PRR5: variants seen among roughly 807,000 people sequenced by gnomAD.
PRR5 encodes the protein proline rich 5, also known as proline-rich protein 5.
Under a neutral mutation model 30.6 loss-of-function variants are expected in PRR5, and 25 were observed. The ratio of observed to expected loss-of-function variants is 0.82; its 90% confidence interval spans 0.60 to 1.14. PRR5 has a LOEUF of 1.14. PRR5 is among the 50% of genes most tolerant of loss of function. The probability of loss-of-function intolerance (pLI) is 0.00; values close to 1 mark genes in which losing one functional copy is unlikely to be tolerated. For synonymous variants in PRR5, 286 were observed against 247.1 expected (o/e 1.16, Z -1.48); for missense variants, 600 against 547.1 (o/e 1.10, Z -0.96).
chr22:44,727,815 T>C (rs948716094), intron 4 of PRR5, among the ~76,000 whole-genome samples: 7 of 152,076 alleles, frequency 4.6e-5, no homozygotes, highest in African/African-American at 1.7e-4. Flanking sequence ...ACTGAACATG[T>C]TGGGTGGGGC....
chr22:44,725,658 T>TG, intron 3 of PRR5, among the ~76,000 whole-genome samples: 1 of 149,464 alleles, frequency 6.7e-6, no homozygotes, highest in East Asian at 2.1e-4. Context: ...TTGTCTTTTG[T>TG]TTTGTTGTTG....
chr22:44,724,535 G>C (rs539588635), intron 2 of PRR5, among the ~76,000 whole-genome samples: 1 of 152,214 alleles, frequency 6.6e-6, no homozygotes, highest in African/African-American at 2.4e-5. Context: ...CATATCTGGG[G>C]CCTCAGCGCT....
chr22:44,728,503 G>A (rs1208112070), intron 4 of PRR5, among the ~76,000 whole-genome samples: 3 of 152,250 alleles, frequency 2.0e-5, no homozygotes, highest in Non-Finnish European at 4.4e-5. Context: ...TAATGTCATT[G>A]TGAAGGAGTG....
upstream of PRR5, among the ~76,000 whole-genome samples, chr22:44,676,406 A>G (rs563097457): frequency 1.1e-3 from 164 of 150,410 alleles, no homozygotes; most frequent in Admixed American, 2.1e-3. Flanking sequence ...AAAAAAAAAA[A>G]AAAAAAAAAG....
chr22:44,712,912 G>T (rs1405478896), intron 1 of PRR5, among the ~76,000 whole-genome samples: 1 of 152,216 alleles, frequency 6.6e-6, no homozygotes, highest in Non-Finnish European at 1.5e-5. Context: ...GTCTGCACTG[G>T]GAAGGGAGGG....
At chr22:44,675,753 G>C (rs1451743582), upstream of PRR5, among the ~76,000 whole-genome samples, 1 of 122,172 alleles carries the variant, frequency 8.2e-6, no homozygotes, top group African/African-American at 3.3e-5. Context: ...TGTTGTTACT[G>C]TTGCTGTTGT....
chr22:44,735,837 C>A (rs1923134421), intron 7 of PRR5, among the ~76,000 whole-genome samples: 1 of 152,188 alleles, frequency 6.6e-6, no homozygotes, highest in African/African-American at 2.4e-5. Context: ...GGCTCCCCGT[C>A]CCCACCTGCT....
chr22:44,731,090 C>G, intron 4 of PRR5: 1 of 293,516 alleles, frequency 3.4e-6, no homozygotes. Flanking sequence ...AACTGCTTAG[C>G]CGGGTTGTTA....
intron 1 of PRR5, among the ~76,000 whole-genome samples, chr22:44,703,898 C>T (rs1926770475): frequency 6.6e-6 from 1 of 152,148 alleles, no homozygotes; most frequent in Admixed American, 6.5e-5. Context: ...AAAAGAAGAG[C>T]AGTGTTCTCC....
intron 2 of PRR5, among the ~76,000 whole-genome samples, chr22:44,719,429 G>A (rs1929599905): frequency 6.6e-6 from 1 of 152,188 alleles, no homozygotes; most frequent in Non-Finnish European, 1.5e-5. Context: ...GAGGGCTGCG[G>A]ATTTAAGGAC....
At chr22:44,736,713 C>T (rs1923326838) in intron 7 of PRR5, 59 bp from the exon 8 acceptor site, 1 of 1,509,464 alleles carries the variant, frequency 6.6e-7, no homozygotes, top group Admixed American at 2.2e-5. Context: ...GCAGCAGGTG[C>T]CAAGGCGGGC....
intron 1 of PRR5, among the ~76,000 whole-genome samples, chr22:44,687,704 A>G (rs1337615744): frequency 6.6e-6 from 1 of 152,128 alleles, no homozygotes; most frequent in Non-Finnish European, 1.5e-5. Flanking sequence ...TCACAGTTTA[A>G]TAAACCCTCC....
At chr22:44,675,762 GTTA>G (rs150864660), upstream of PRR5, among the ~76,000 whole-genome samples, 120 of 142,962 alleles carry the variant, frequency 8.4e-4, 2 homozygotes, top group Middle Eastern at 3.6e-3. Context: ...TGTTGCTGTT[GTTA>G]TTATTATTAT....
rs373536864 is a variant in PRR5, at chr22:44,725,179, C to T, written c.216-65C>T. The T allele has an allele frequency of 3.8e-5, 61 of 1,599,216 alleles. No individual in the cohort carries two copies. In the African/African-American group the frequency reaches 5.7e-4, roughly 15 times the overall value. ...CTGCCCAGGAGGCCCCACCCCAGTC[C>T]GTGGGTCCCCCATGCCAGTGCCGTG... On this transcript the variant is annotated intron_variant, in intron 2 of 7. Transcript: ENST00000336985.
In PRR5 at chr22:44,677,760, C is replaced by T. The variant is rs1923893269; in HGVS notation, c.-11+520C>T. 1.3e-5 allele frequency among the ~76,000 whole-genome samples: 2 copies of T among 152,210 alleles called. 1 individual carries two copies. The highest frequency in any genetic ancestry group is 4.1e-4 in the South Asian group (2 of 4,834). ...TGCTCACATGCTGTGTGACCTTGGA[C>T]AGGTTGCTTCACCTCTCTGAGCCTC... is the stretch of plus-strand genomic sequence containing the variant. On this transcript the variant is annotated intron_variant, in intron 1 of 8. Transcript: ENST00000006251.
intron 1 of PRR5, among the ~76,000 whole-genome samples, chr22:44,704,559 T>G (rs1033980965): frequency 2.7e-5 from 4 of 150,204 alleles, no homozygotes; most frequent in Admixed American, 6.6e-5. Flanking sequence ...GGGCTCCAGG[T>G]CTCCCAGCCC....
chr22:44,682,857 G>A (rs1031453853), intron 1 of PRR5, among the ~76,000 whole-genome samples: 1 of 152,228 alleles, frequency 6.6e-6, no homozygotes, highest in Non-Finnish European at 1.5e-5. Context: ...TGTGCCCACT[G>A]TAGCGGGAGG....
At chr22:44,717,519 G>C (rs1347214005) in intron 2 of PRR5, among the ~76,000 whole-genome samples, 7 of 151,990 alleles carry the variant, frequency 4.6e-5, no homozygotes, top group African/African-American at 1.7e-4. Context: ...ACCCCAGCAA[G>C]AAGGCTTTAG....
chr22:44,731,204 A>ACCTGTGTC, intron 4 of PRR5: 2 of 267,946 alleles, frequency 7.5e-6, no homozygotes, highest in Non-Finnish European at 1.5e-5. Context: ...TCACCTGTGT[A>ACCTGTGTC]GGTCTCACCT....
Sources: allele counts gnomAD v4.1 joint callset (sites outside exome capture counted in the v4.1 genomes callset), GRCh38; gene constraint gnomAD v4.1.1; transcripts MANE v1.5; gene names NCBI Gene and HGNC (gene_info 2026-07-23, HGNC 2026-07-21).